The following AK9 variants were observed in gnomAD, a reference collection of about 807,000 sequenced individuals.
AK9 encodes adenylate kinase domain containing 1.
Under a neutral mutation model 239.6 loss-of-function variants are expected in AK9, and 191 were observed. The ratio of observed to expected loss-of-function variants is 0.80; its 90% CI spans 0.71 to 0.90. The LOEUF (loss-of-function observed/expected upper bound fraction) is 0.90. Ranked by LOEUF, AK9 falls within the 40% of genes least tolerant of loss-of-function variation. The pLI, the probability that AK9 is intolerant of heterozygous loss-of-function variation, is 0.00. For missense variants in AK9, 1,995 were observed against 2,214.7 expected (o/e 0.90, Z 1.99); for synonymous variants, 689 against 721.0 (o/e 0.96, Z 0.71).
At chr6:109,597,369 A>G (rs935066845) in intron 17 of AK9, among the ~76,000 whole-genome samples, 1 of 152,000 alleles carries the variant, frequency 6.6e-6, no homozygotes, top group South Asian at 2.1e-4. Flanking sequence ...AACGTTAAAA[A>G]TTTTCTTTAA....
In AK9 at chr6:109,508,405, G is replaced by A. The variant is rs1415974520; in HGVS notation, c.4481+774C>T. Reference sequence around the variant, plus strand: ...CTCACTGAGGTCCTTCTTATGCAAAGCTGAACACCAGGGAGGAGGTAATTC... The same window carrying A: ...CTCACTGAGGTCCTTCTTATGCAAAACTGAACACCAGGGAGGAGGTAATTC... On this transcript the variant is annotated intron_variant, in intron 33 of 40. Coordinates refer to ENST00000424296, the MANE Select transcript of AK9 (RefSeq NM_001145128.3). Among the ~76,000 whole-genome samples the A allele has an allele frequency of 3.9e-5, 6 of 152,140 alleles. No individual in the cohort carries two copies. In the South Asian group the frequency reaches 1.3e-3, roughly 32 times the overall value.
In AK9 at chr6:109,509,368, AT is replaced by A; in HGVS notation, c.4291del (p.Ile1431LeufsTer7). On this transcript the variant is annotated frameshift_variant, in exon 33 of 41. Coordinates refer to ENST00000424296, the MANE Select transcript of AK9 (RefSeq NM_001145128.3). LOFTEE classifies it high-confidence loss of function. ...KSGKTTVAKK[I>X]TSEYGLKHLS... ...ATGCTTTAACCCATATTCACTTGTAATTTTTTTGGCAACTGAAAAACATAAA... is the reference window on the plus strand; with the variant it reads ...ATGCTTTAACCCATATTCACTTGTAATTTTTTGGCAACTGAAAAACATAAA... 1.3e-6 allele frequency: 2 copies of A among 1,548,808 alleles called. No homozygotes were observed. Among genetic ancestry groups the A allele is most frequent in the Non-Finnish European group, 1.7e-6 (2 of 1,146,184 alleles).
chr6:109,632,854 CAGATAGACATAG>C, intron 12 of AK9, 57 bp downstream of exon 12: 7 of 1,462,430 alleles, frequency 4.8e-6, no homozygotes, highest in Non-Finnish European at 4.5e-6. Context: ...AGATACATGA[CAGATAGACATAG>C]ATAGATAGAT....
In AK9 at chr6:109,610,458, G is replaced by T. The variant is rs1202868419; in HGVS notation, c.1749C>A (p.Thr583=). 1 of 1,551,078 alleles carries T rather than the reference G, an allele frequency of 6.4e-7. No homozygotes were observed. Among genetic ancestry groups the T allele is most frequent in the Non-Finnish European group, 8.7e-7 (1 of 1,146,768 alleles). Residue 583 remains threonine (T), a synonymous_variant, in exon 17 of 41, where the codon ACC becomes ACA. Coordinates refer to ENST00000424296, the MANE Select transcript of AK9 (RefSeq NM_001145128.3). ...EVTADHPEVV[T]MIEETIKMSQ... ...ACATTTTTATAGTCTCTTCAATCAT[G>T]GTCACAACCTCTGGATGATCTGCAG... is the stretch of plus-strand genomic sequence containing the variant.
At chr6:109,642,304 G>A (rs1295211277) in intron 9 of AK9, among the ~76,000 whole-genome samples, 1 of 152,096 alleles carries the variant, frequency 6.6e-6, no homozygotes, top group African/African-American at 2.4e-5. Flanking sequence ...GAAGAATCTG[G>A]AAAAATAAAA....
intron 10 of AK9, among the ~76,000 whole-genome samples, chr6:109,640,501 C>G (rs1359813844): frequency 6.6e-6 from 1 of 152,126 alleles, no homozygotes; most frequent in East Asian, 1.9e-4. Flanking sequence ...CAGAAATCAC[C>G]CATCTTCTGC....
chr6:109,563,446 G>A lies in AK9; in HGVS notation c.2751+151C>T, dbSNP rs1032275954. On this transcript the variant is annotated intron_variant, in intron 24 of 40. Coordinates refer to ENST00000424296, the MANE Select transcript of AK9 (RefSeq NM_001145128.3). ...TCATACTACATAGCCTGGAATTTCA[G>A]GGGGGTCAAGTGAAGCTGAGGCAGA... 5 of 1,208,008 alleles carry A rather than the reference G, an allele frequency of 4.1e-6. No homozygotes were observed. The African/African-American group carries it at 7.8e-5, about 19-fold the overall frequency. The allele number at this position is 1,208,008 out of a possible 1,614,324, so 74.8% of individuals were successfully genotyped here.
At chr6:109,528,532 T>C (rs201361996) in intron 29 of AK9, 3 of 456,580 alleles carry the variant, frequency 6.6e-6, no homozygotes, top group Admixed American at 2.3e-5. Flanking sequence ...TTTTTTCTTA[T>C]CTACTTTTGG....
chr6:109,519,341 G>C (rs1170174719), intron 29 of AK9, among the ~76,000 whole-genome samples: 1 of 152,170 alleles, frequency 6.6e-6, no homozygotes, highest in Non-Finnish European at 1.5e-5. Flanking sequence ...CCAGTAATGG[G>C]ATTGTTGGGT....
At chr6:109,680,310 A>AC (rs1322463663) in intron 1 of AK9, among the ~76,000 whole-genome samples, 1 of 152,198 alleles carries the variant, frequency 6.6e-6, no homozygotes, top group Non-Finnish European at 1.5e-5. Flanking sequence ...TGAAGCATAC[A>AC]CAAGTTTCAA....
Position 109,573,515 on chromosome 6 carries a change from A to T in AK9, c.2271T>A (p.Ser757=). ...ELEVHEEPEA[S]HDTRGSWLPE... Reference sequence around the variant, plus strand: ...GTAACCATGACCCTCGGGTATCGTGAGATGCCTCAGGCTCTTCGTGAACTT... The same window carrying T: ...GTAACCATGACCCTCGGGTATCGTGTGATGCCTCAGGCTCTTCGTGAACTT... Residue 757 remains serine (S), a synonymous_variant, in exon 21 of 41, where the codon TCT becomes TCA. Transcript: ENST00000424296. The T allele has an allele frequency of 6.4e-7, 1 of 1,551,414 alleles. No homozygotes were observed. The highest frequency in any genetic ancestry group is 1.2e-5 in the South Asian group (1 of 84,030).
chr6:109,672,541 G>A (rs761791159), intron 3 of AK9, among the ~76,000 whole-genome samples: 1 of 151,960 alleles, frequency 6.6e-6, no homozygotes, highest in Non-Finnish European at 1.5e-5. Flanking sequence ...AAATTAGCAG[G>A]GCATAGTTAT....
At position 109,674,746 on chromosome 6, in the gene AK9, A is replaced by AC. The variant is rs1314093594; in HGVS notation, c.118-486_118-485insG. ...TAAAAGGTCGTTTTGATGAAGTAAC[A>AC]TTTGTGTCTGGTTGCTTTCACTGTT... On this transcript the variant is annotated intron_variant, in intron 2 of 40. Coordinates refer to ENST00000424296, the MANE Select transcript of AK9 (RefSeq NM_001145128.3). Among the ~76,000 whole-genome samples the AC allele has an allele frequency of 3.3e-5, 5 of 152,302 alleles. No homozygotes were observed. The East Asian group carries it at 7.7e-4, about 23-fold the overall frequency.
chr6:109,563,537 T>G, intron 24 of AK9, 60 bp downstream of exon 24: 1 of 1,533,590 alleles, frequency 6.5e-7, no homozygotes, highest in Non-Finnish European at 8.8e-7. Flanking sequence ...GTTACCACTC[T>G]TATTTGCATA....
intron 24 of AK9, among the ~76,000 whole-genome samples, chr6:109,555,227 G>T (rs975559278): frequency 6.6e-6 from 1 of 152,100 alleles, no homozygotes; most frequent in Non-Finnish European, 1.5e-5. Context: ...GTTCTCATTG[G>T]TTTCAAAGAA....
intron 32 of AK9, 80 bp from the exon 33 acceptor site, chr6:109,509,460 A>C: frequency 8.1e-7 from 1 of 1,239,100 alleles, no homozygotes; most frequent in Non-Finnish European, 1.1e-6. Flanking sequence ...ACATGGGTAT[A>C]TTGTGTGATG....
intron 3 of AK9, among the ~76,000 whole-genome samples, chr6:109,672,898 T>G (rs1022921969): frequency 1.3e-5 from 2 of 152,106 alleles, no homozygotes; most frequent in Admixed American, 6.6e-5. Context: ...TACAATTACA[T>G]CCAAAGCCTG....
At chr6:109,683,195 C>T (rs1307354393) in intron 1 of AK9, among the ~76,000 whole-genome samples, 1 of 152,146 alleles carries the variant, frequency 6.6e-6, no homozygotes, top group Non-Finnish European at 1.5e-5. Context: ...CAAAATTCAA[C>T]ACCTCATTCA....
At chr6:109,559,133 T>C (rs1267606076) in intron 24 of AK9, among the ~76,000 whole-genome samples, 1 of 151,610 alleles carries the variant, frequency 6.6e-6, no homozygotes, top group East Asian at 1.9e-4. Context: ...ATTACAGACG[T>C]GAGCCACCAT....
Sources: allele counts gnomAD v4.1 joint callset (sites outside exome capture counted in the v4.1 genomes callset), GRCh38; gene constraint gnomAD v4.1.1; transcripts MANE v1.5; gene names NCBI Gene and HGNC (gene_info 2026-07-23, HGNC 2026-07-21).